ERRFI1: variants seen among roughly 807,000 people sequenced by gnomAD.
ERRFI1 encodes mitogen-inducible gene 6 protein.
ERRFI1 carries 12 observed loss-of-function variants against 14.6 expected under a neutral mutation model. That is an observed-to-expected ratio of 0.82 (90% CI 0.53 to 1.33). ERRFI1 has a LOEUF of 1.33. Ranked by LOEUF, ERRFI1 falls within the 40% of genes most tolerant of loss-of-function variation. The probability of loss-of-function intolerance (pLI) is 0.00; values close to 1 mark genes in which losing one functional copy is unlikely to be tolerated. For missense variants in ERRFI1, 482 were observed against 572.1 expected (o/e 0.84, Z 1.61); for synonymous variants, 202 against 209.9 (o/e 0.96, Z 0.32).
At chr1:8,016,901 GTTTT>G (rs770570747) in intron 1 of ERRFI1, among the ~76,000 whole-genome samples, 11 of 140,784 alleles carry the variant, frequency 7.8e-5, no homozygotes, top group African/African-American at 1.3e-4. Flanking sequence ...AGGTACACAG[GTTTT>G]TTTTTTTGTT....
At chr1:8,016,486 G>T (rs1263541360) in intron 1 of ERRFI1, among the ~76,000 whole-genome samples, 1 of 152,174 alleles carries the variant, frequency 6.6e-6, no homozygotes, top group Admixed American at 6.5e-5. Flanking sequence ...GCAAGGCATG[G>T]ATAACAAAAT....
In ERRFI1 at chr1:8,012,921, T is replaced by A. The variant is rs1641106672; in HGVS notation, c.*289A>T. The A allele has an allele frequency of 2.7e-6, 1 of 373,466 alleles. No homozygotes were observed. Among genetic ancestry groups the A allele is most frequent in the African/African-American group, 2.0e-5 (1 of 49,450 alleles). The allele number at this position is 373,466 out of a possible 1,614,324, so 23.1% of individuals were successfully genotyped here. A position where few individuals can be genotyped will look rare whatever the true frequency, so the allele number is the denominator to read the frequency against. On this transcript the variant is annotated 3_prime_UTR_variant, in exon 4 of 4. Transcript: ENST00000377482. ...TATGGTCTATGGTTATACCACAAGT[T>A]TATATATAGGTATGTAATGTATGCA... is the stretch of plus-strand genomic sequence containing the variant.
intron 1 of ERRFI1, among the ~76,000 whole-genome samples, chr1:8,019,863 G>A (rs1472860298): frequency 3.3e-5 from 5 of 152,108 alleles, no homozygotes; most frequent in Non-Finnish European, 7.4e-5. Context: ...TTCTGTTACA[G>A]TATATTTACT....
rs1190349762 is a variant in ERRFI1 at position 8,012,873 on chromosome 1, TAA to T, written c.*335_*336del. On this transcript the variant is annotated 3_prime_UTR_variant, in exon 4 of 4. Coordinates refer to ENST00000377482, the MANE Select transcript of ERRFI1 (RefSeq NM_018948.4). ...CTGAATATATATTACTCTACGATAG[TAA>T]CTAATTGGTTAACCTGCAGCTATGG... The T allele has an allele frequency of 3.3e-6, 1 of 300,760 alleles. No homozygotes were observed. Among genetic ancestry groups the T allele is most frequent in the Non-Finnish European group, 6.2e-6 (1 of 160,708 alleles). The allele number at this position is 300,760 out of a possible 1,614,324, so 18.6% of individuals were successfully genotyped here.
intron 1 of ERRFI1, among the ~76,000 whole-genome samples, chr1:8,022,427 CA>C (rs1265653891): frequency 6.6e-6 from 1 of 152,190 alleles, no homozygotes; most frequent in East Asian, 1.9e-4. Flanking sequence ...AGTTACAAAG[CA>C]CCTTCTTACA....
chr1:8,022,335 C>G (rs1286943245), intron 1 of ERRFI1, among the ~76,000 whole-genome samples: 5 of 152,188 alleles, frequency 3.3e-5, no homozygotes, highest in Non-Finnish European at 7.3e-5. Context: ...GCATGGATCC[C>G]AATGATGGCA....
At chr1:8,021,867 A>G (rs942731570) in intron 1 of ERRFI1, among the ~76,000 whole-genome samples, 4 of 152,220 alleles carry the variant, frequency 2.6e-5, no homozygotes, top group African/African-American at 7.2e-5. Context: ...GCCCGGCCTC[A>G]GTGTCCAGGC....
At chr1:8,017,270 G>A (rs75466540) in intron 1 of ERRFI1, among the ~76,000 whole-genome samples, 4,781 of 152,190 alleles carry the variant, frequency 0.031, 237 homozygotes, top group African/African-American at 0.11. Flanking sequence ...AAGTAGAGAA[G>A]GGAGATCCAA....
Position 8,013,705 on chromosome 1 carries a change from A to G in ERRFI1, c.894T>C (p.Tyr298=), listed in dbSNP as rs916906436. ...PIPPRPVKPD[Y]RRWSAEVTSS... is the part of the protein sequence containing the mutation. ...AAGTAACTTCTGCTGACCATCTTCT[A>G]TAATCTGGCTTTACTGGTCTAGGAG... The change falls in exon 4 of 4, where the codon TAT becomes TAC. Residue 298 remains tyrosine (Y), a synonymous_variant. Coordinates refer to ENST00000377482, the MANE Select transcript of ERRFI1 (RefSeq NM_018948.4). The surrounding 1 kb of genome is among the most constrained non-coding windows in gnomAD (Gnocchi z 4.3). 3.1e-6 allele frequency: 5 copies of G among 1,614,056 alleles called. No homozygotes were observed. The highest frequency in any genetic ancestry group is 2.7e-5 in the African/African-American group (2 of 74,914).
intron 1 of ERRFI1, among the ~76,000 whole-genome samples, chr1:8,017,176 CT>C: frequency 6.6e-6 from 1 of 151,458 alleles, no homozygotes; most frequent in Non-Finnish European, 1.5e-5. Flanking sequence ...TTAAAAAATA[CT>C]CTGCAAGTGT....
At position 8,013,116 on chromosome 1, in the gene ERRFI1, C is replaced by G. The variant is rs1304936250; in HGVS notation, c.*94G>C. On this transcript the variant is annotated 3_prime_UTR_variant, in exon 4 of 4. Coordinates refer to ENST00000377482, the MANE Select transcript of ERRFI1 (RefSeq NM_018948.4). This position sits in a 1 kb window ranked among gnomAD's most constrained non-coding sequence, Gnocchi z 4.3. ...CAGAGAGTTCAACTATTTTATTTTG[C>G]AATCTAAGGGATTTTTCTCTGCACT... 9.3e-7 allele frequency: 1 copy of G among 1,078,402 alleles called. No individual in the cohort carries two copies. The highest frequency in any genetic ancestry group is 1.3e-6 in the Non-Finnish European group (1 of 748,582). 66.8% of individuals were successfully genotyped at this position (1,078,402 alleles called of 1,614,324 possible).
At chr1:8,022,794 A>C (rs780887628) in intron 1 of ERRFI1, among the ~76,000 whole-genome samples, 1 of 152,218 alleles carries the variant, frequency 6.6e-6, no homozygotes, top group Non-Finnish European at 1.5e-5. Flanking sequence ...AAATTCTTAG[A>C]GGGCAAGGAT....
chr1:8,023,252 T>C (rs1164971903), intron 1 of ERRFI1, among the ~76,000 whole-genome samples: 1 of 152,196 alleles, frequency 6.6e-6, no homozygotes, highest in African/African-American at 2.4e-5. Context: ...AAGGGCTCCA[T>C]TTCTGTAGCC....
chr1:8,016,234 G>A (rs561305364), intron 1 of ERRFI1, among the ~76,000 whole-genome samples: 1 of 152,186 alleles, frequency 6.6e-6, no homozygotes, highest in African/African-American at 2.4e-5. Context: ...CATTTATCTG[G>A]ATTTTGTATT....
chr1:8,017,859 GT>G (rs1641200872), intron 1 of ERRFI1, among the ~76,000 whole-genome samples: 1 of 152,146 alleles, frequency 6.6e-6, no homozygotes, highest in East Asian at 1.9e-4. Context: ...GAATGATTGT[GT>G]AACTATCGCC....
intron 1 of ERRFI1, among the ~76,000 whole-genome samples, chr1:8,025,651 T>A (rs1416354097): frequency 3.3e-5 from 5 of 152,026 alleles, no homozygotes; most frequent in Non-Finnish European, 7.4e-5. Flanking sequence ...CGCAACCCCC[T>A]TTTTACAAAT....
intron 1 of ERRFI1, among the ~76,000 whole-genome samples, chr1:8,018,366 C>A (rs947803158): frequency 2.3e-4 from 2 of 8,514 alleles, no homozygotes; most frequent in African/African-American, 6.1e-4. Context: ...CAAATGGAAG[C>A]GGGGGGCGGG....
At position 8,013,364 on chromosome 1, in the gene ERRFI1, C is replaced by T; in HGVS notation, c.1235G>A (p.Arg412Lys). The stretch of plus-strand genomic sequence containing the variant: ...GCCTCCATTTGTTTCTTCTGCTTCC[C>T]TAAAAAATTTTTCATATTTGTCCAG... Reference protein sequence around the residue: ...PYLDKYEKFFREAEETNGGAQ... With the variant: ...PYLDKYEKFFKEAEETNGGAQ... Residue 412 changes from arginine to lysine, a missense_variant, in exon 4 of 4, where the codon AGG becomes AAG. Transcript: ENST00000377482. This position sits in a 1 kb window ranked among gnomAD's most constrained non-coding sequence, Gnocchi z 4.3. The T allele has an allele frequency of 6.2e-7, 1 of 1,614,188 alleles. No individual in the cohort carries two copies. The highest frequency in any genetic ancestry group is 8.5e-7 in the Non-Finnish European group (1 of 1,180,036).
chr1:8,021,337 A>C (rs1431333405), intron 1 of ERRFI1, among the ~76,000 whole-genome samples: 1 of 152,250 alleles, frequency 6.6e-6, no homozygotes, highest in African/African-American at 2.4e-5. Context: ...CTTTCAACTC[A>C]CTTAAGCCTC....
Sources: gnomAD v4.1 joint callset for allele counts (sites outside exome capture counted in the v4.1 genomes callset) on GRCh38, gnomAD v4.1.1 for gene constraint, Gnocchi (gnomAD v3.1) non-coding constraint, MANE v1.5 for transcripts, NCBI Gene and HGNC (gene_info 2026-07-23, HGNC 2026-07-21) for gene names.